PLCB2: variants seen among roughly 807,000 people sequenced by gnomAD.
PLCB2 encodes the protein phospholipase C beta 2, also known as 1-phosphatidylinositol 4,5-bisphosphate phosphodiesterase beta-2.
A neutral mutation model predicts 141.7 loss-of-function variants in PLCB2; 115 were observed. The observed-to-expected ratio is 0.81, with a 90% CI of 0.70 to 0.95. The LOEUF (loss-of-function observed/expected upper bound fraction) is 0.95. Among genes scored for constraint, PLCB2 ranks in the 40% least tolerant of loss-of-function variants. The pLI is 0.00. For missense variants in PLCB2, 1,403 were observed against 1,541.1 expected (o/e 0.91, Z 1.50); for synonymous variants, 603 against 595.6 (o/e 1.01, Z -0.18).
chr15:40,292,489 C>G (rs1223904790), intron 21 of PLCB2, 46 bp from the exon 22 acceptor site: 1 of 1,375,048 alleles, frequency 7.3e-7, no homozygotes, highest in Non-Finnish European at 1.0e-6. Context: ...CCCGTTCCTG[C>G]CAGCACTGTG....
intron 3 of PLCB2, 149 bp from the exon 4 acceptor site, chr15:40,302,758 C>T (rs1465985405): frequency 9.6e-6 from 8 of 836,200 alleles, no homozygotes; most frequent in Non-Finnish European, 1.8e-6. Flanking sequence ...TTAGCATCTT[C>T]CTGTCCCTGA....
Position 40,291,492 on chromosome 15 carries a change from G to T in PLCB2, c.2648-5C>A. On this transcript the variant is annotated splice_region_variant and splice_polypyrimidine_tract_variant and intron_variant, in intron 25 of 31. Coordinates refer to ENST00000260402, the MANE Select transcript of PLCB2 (RefSeq NM_004573.3). Reference sequence around the variant, plus strand: ...CCAGGCTGGCGGTCCGCGGCTCTGCGGAGGCCCGGGTGAGGCGCAACACCG... The same window carrying T: ...CCAGGCTGGCGGTCCGCGGCTCTGCTGAGGCCCGGGTGAGGCGCAACACCG... 6.3e-7 allele frequency: 1 copy of T among 1,586,646 alleles called. No individual in the cohort carries two copies.
Position 40,298,806 on chromosome 15 carries a change from G to A in PLCB2, c.842C>T (p.Ala281Val). Residue 281 changes from alanine (A) to valine (V), a missense_variant, in exon 9 of 32, where the codon GCA (alanine) becomes GTA (valine). Ala to Val is a moderately conservative substitution (Grantham distance 64). Coordinates refer to ENST00000260402, the MANE Select transcript of PLCB2 (RefSeq NM_004573.3). Reference sequence around the variant, plus strand: ...GTTCCCTTAGTCCTCACCCCTCTGTGCATTGATGCCACTGGGCTCATACTT... The same window carrying A: ...GTTCCCTTAGTCCTCACCCCTCTGTACATTGATGCCACTGGGCTCATACTT... Reference protein sequence around the residue: ...IDKYEPSGINAQRGQLSPEGM... With the variant: ...IDKYEPSGINVQRGQLSPEGM... 1 of 1,613,260 alleles carries A rather than the reference G, an allele frequency of 6.2e-7. No homozygotes were observed. Among genetic ancestry groups the A allele is most frequent in the Non-Finnish European group, 8.5e-7 (1 of 1,179,530 alleles).
intron 7 of PLCB2, among the ~76,000 whole-genome samples, chr15:40,300,420 C>T (rs1408639229): frequency 6.6e-6 from 1 of 152,208 alleles, no homozygotes; most frequent in Non-Finnish European, 1.5e-5. Flanking sequence ...AACAATTCCA[C>T]CCCTGGGTAT....
rs377313120 is a variant in PLCB2 at position 40,302,296 on chromosome 15, G to A, written c.426C>T (p.Ala142=). Residue 142 remains alanine (A), a synonymous_variant, in exon 5 of 32, where the codon GCC becomes GCT. Transcript: ENST00000260402. ...TCTTGTCCAGGAAGGTGCTGCGGGA[G>A]GCGTTGGCCGTCAGCGGATGTTTGA... is the stretch of plus-strand genomic sequence containing the variant. ...ALVKHPLTAN[A]SRSTFLDKIL... 25 of 1,614,054 alleles carry A rather than the reference G, an allele frequency of 1.5e-5. No individual in the cohort carries two copies. In the African/African-American group the frequency reaches 2.9e-4, roughly 19 times the overall value.
In PLCB2 at chr15:40,296,311, A is replaced by G; in HGVS notation, c.1681T>C (p.Phe561Leu). 2 of 1,613,286 alleles carry G rather than the reference A, an allele frequency of 1.2e-6. No individual in the cohort carries two copies. Among genetic ancestry groups the G allele is most frequent in the Non-Finnish European group, 1.7e-6 (2 of 1,179,564 alleles). Residue 561 changes from phenylalanine to leucine, a missense_variant, in exon 16 of 32, where the codon TTT (phenylalanine) becomes CTT (leucine). Coordinates refer to ENST00000260402, the MANE Select transcript of PLCB2 (RefSeq NM_004573.3). The part of the protein sequence containing the change: ...NYIQPTKFVS[F>L]EFSAQKNRSY... ...GCTAACTTACGGGCAGAGAACTCAA[A>G]GGAGACGAACTTGGTGGGCTGGATG...
At chr15:40,291,730 G>T in intron 24 of PLCB2, 80 bp from the exon 25 acceptor site, 1 of 1,603,098 alleles carries the variant, frequency 6.2e-7, no homozygotes, top group Non-Finnish European at 8.5e-7. Flanking sequence ...CCGCCCCCTG[G>T]GAGTCGCAGT....
rs372283200 is a variant in PLCB2, at chr15:40,288,310, G to A, written c.*405C>T. On this transcript the variant is annotated 3_prime_UTR_variant, in exon 32 of 32. Coordinates refer to ENST00000260402, the MANE Select transcript of PLCB2 (RefSeq NM_004573.3). Reference sequence around the variant, plus strand: ...CTGGAAGCCTGGGGCAGGAGGGTTCGGGGCTAGAGTGGAGGTGAGTGGGTC... The same window carrying A: ...CTGGAAGCCTGGGGCAGGAGGGTTCAGGGCTAGAGTGGAGGTGAGTGGGTC... 26 of 994,912 alleles carry A rather than the reference G, an allele frequency of 2.6e-5. No homozygotes were observed. In the East Asian group the frequency reaches 1.9e-3, roughly 74 times the overall value. 61.6% of individuals were successfully genotyped at this position (994,912 alleles called of 1,614,324 possible).
In PLCB2 at chr15:40,298,354, C is replaced by G. The variant is rs1478843249; in HGVS notation, c.1024G>C (p.Ala342Pro). ...TAGQFSGLSS[A>P]EMYRQVLLSG... ...AGCAGCACCTGGCGGTACATCTCAG[C>G]CGAGGAGAGGCCTGAGAACTGGCCG... Residue 342 changes from alanine to proline, a missense_variant, in exon 11 of 32, where the codon GCT becomes CCT. Ala to Pro is a conservative substitution (Grantham distance 27). Around this residue, in one of 4 missense-constraint regions of PLCB2, gnomAD observed 975 missense variants for 1,141.1 expected, o/e 0.85. Transcript: ENST00000260402. The G allele has an allele frequency of 2.5e-6, 4 of 1,595,406 alleles. No homozygotes were observed. Among genetic ancestry groups the G allele is most frequent in the Non-Finnish European group, 2.6e-6 (3 of 1,168,000 alleles).
chr15:40,285,564 G>A, downstream of PLCB2: 1 of 985,364 alleles, frequency 1.0e-6, no homozygotes, highest in Non-Finnish European at 1.2e-6. Context: ...CCAGAGCTAG[G>A]GCCCCCTTCT....
chr15:40,301,783 C>A, intron 7 of PLCB2, 174 bp downstream of exon 7: 1 of 702,230 alleles, frequency 1.4e-6, no homozygotes, highest in Non-Finnish European at 2.6e-6. Flanking sequence ...CTTGCCCTGG[C>A]TCCACCCCTG....
Position 40,297,697 on chromosome 15 carries a change from C to A in PLCB2, c.1239-92G>T. The A allele has an allele frequency of 8.8e-7, 1 of 1,138,134 alleles. No homozygotes were observed. Among genetic ancestry groups the A allele is most frequent in the Admixed American group, 1.9e-5 (1 of 52,924 alleles). The allele number at this position is 1,138,134 out of a possible 1,614,324, so 70.5% of individuals were successfully genotyped here. A position where few individuals can be genotyped will look rare whatever the true frequency, so the allele number is the denominator to read the frequency against. On this transcript the variant is annotated intron_variant, in intron 12 of 31. Transcript: ENST00000260402. The surrounding 1 kb of genome is among the most constrained non-coding windows in gnomAD (Gnocchi z 4.2). Reference sequence around the variant, plus strand: ...TGCCCTTGATGACCCAGATCAGGGGCCAGGAGGTCAGGGAGGCTGGGACTC... The same window carrying A: ...TGCCCTTGATGACCCAGATCAGGGGACAGGAGGTCAGGGAGGCTGGGACTC...
rs997749981 is a variant in PLCB2 at position 40,301,958 on chromosome 15, T to C, written c.581A>G (p.Lys194Arg). 6.2e-7 allele frequency: 1 copy of C among 1,613,602 alleles called. No individual in the cohort carries two copies. Among genetic ancestry groups the C allele is most frequent in the Non-Finnish European group, 8.5e-7 (1 of 1,179,636 alleles). ...ALSACHLPKGKNDAINPEDFP... is the reference protein window; with the variant it reads ...ALSACHLPKGRNDAINPEDFP... ...GGGCAGGGGTGCAGATCCACTCACT[T>C]TGCCTTTGGGGAGGTGGCAGGCACT... Residue 194 changes from lysine (K) to arginine (R), a missense_variant and splice_region_variant, in exon 7 of 32, where the codon AAA becomes AGA. Physicochemically the swap from Lys to Arg is conservative, Grantham distance 26. Coordinates refer to ENST00000260402, the MANE Select transcript of PLCB2 (RefSeq NM_004573.3).
chr15:40,298,938 G>C lies in PLCB2; in HGVS notation c.710C>G (p.Thr237Arg). Residue 237 changes from threonine (T) to arginine (R), a missense_variant, in exon 9 of 32, where the codon ACG (threonine) becomes AGG (arginine). Physicochemically the swap from Thr to Arg is moderately conservative, Grantham distance 71. Around this residue, in one of 4 missense-constraint regions of PLCB2, gnomAD observed 975 missense variants for 1,141.1 expected, o/e 0.85. Transcript: ENST00000260402. Reference protein sequence around the residue: ...SYHAKAKPYMTKEHLTKFINQ... With the variant: ...SYHAKAKPYMRKEHLTKFINQ... ...GATGAATTTGGTCAGGTGCTCCTTC[G>C]TCATGTAGGGTTTGGCCTTAGCATG... The C allele has an allele frequency of 6.2e-7, 1 of 1,607,252 alleles. No homozygotes were observed. Among genetic ancestry groups the C allele is most frequent in the Non-Finnish European group, 8.5e-7 (1 of 1,179,662 alleles).
intron 1 of PLCB2, 110 bp from the exon 2 acceptor site, chr15:40,304,188 A>G (rs2040677551): frequency 1.4e-6 from 1 of 702,330 alleles, no homozygotes; most frequent in Admixed American, 2.3e-5. Context: ...CCCATCCCAG[A>G]AATCTGAAGG....
intron 1 of PLCB2, 49 bp from the exon 2 acceptor site, chr15:40,304,127 C>A (rs1595684421): frequency 7.5e-7 from 1 of 1,330,174 alleles, no homozygotes; most frequent in African/African-American, 1.4e-5. Context: ...CAGGCCAAGC[C>A]TCCCTGGTCC....
At chr15:40,303,839 C>A in intron 2 of PLCB2, 162 bp downstream of exon 2, 1 of 584,274 alleles carries the variant, frequency 1.7e-6, no homozygotes, top group Non-Finnish European at 3.1e-6. Context: ...TCCTCCTTTC[C>A]AGAGCAAAGA....
chr15:40,304,130 C>G, intron 1 of PLCB2, 52 bp from the exon 2 acceptor site: 1 of 1,299,222 alleles, frequency 7.7e-7, no homozygotes, highest in Non-Finnish European at 1.1e-6. Context: ...GCCAAGCCTC[C>G]CTGGTCCAGG....
chr15:40,297,897 C>G lies in PLCB2; in HGVS notation c.1218G>C (p.Ser406=), dbSNP rs61755437. The stretch of plus-strand genomic sequence containing the variant: ...CGCACGAGTCCACATGGTTCTCAAA[C>G]GACAGGATGATGGGATAGGGGGAGG... ...FKTSPYPIIL[S]FENHVDSPRQ... Residue 406 remains serine, a synonymous_variant, in exon 12 of 32, where the codon TCG becomes TCC. Coordinates refer to ENST00000260402, the MANE Select transcript of PLCB2 (RefSeq NM_004573.3). The surrounding 1 kb of genome is among the most constrained non-coding windows in gnomAD (Gnocchi z 4.2). 8 of 1,613,434 alleles carry G rather than the reference C, an allele frequency of 5.0e-6. No individual in the cohort carries two copies. The highest frequency in any genetic ancestry group is 8.5e-7 in the Non-Finnish European group (1 of 1,179,566).
Sources: allele counts gnomAD v4.1 joint callset (sites outside exome capture counted in the v4.1 genomes callset), GRCh38; gene constraint gnomAD v4.1.1; regional missense constraint gnomAD v4.1.1; non-coding constraint Gnocchi (gnomAD v3.1); transcripts MANE v1.5; gene names NCBI Gene and HGNC (gene_info 2026-07-23, HGNC 2026-07-21).